The following CMIP variants were observed in gnomAD, a reference collection of about 807,000 sequenced individuals.
The protein encoded by CMIP is C-Maf-inducing protein.
Under a neutral mutation model 97.3 loss-of-function variants are expected in CMIP, and 13 were observed. That is an observed-to-expected ratio of 0.13 (90% CI 0.09 to 0.21). The LOEUF (loss-of-function observed/expected upper bound fraction) is 0.21. CMIP is among the 10% of genes least tolerant of loss of function. The pLI is 1.00. For missense variants in CMIP, 847 were observed against 1,024.9 expected (o/e 0.83, Z 2.37); for synonymous variants, 538 against 436.3 (o/e 1.23, Z -2.91).
At chr16:81,644,260 G>T (rs2092338314) in intron 3 of CMIP, among the ~76,000 whole-genome samples, 1 of 152,210 alleles carries the variant, frequency 6.6e-6, no homozygotes, top group Non-Finnish European at 1.5e-5. Flanking sequence ...CTGGAAATGT[G>T]CACAGATAAT....
chr16:81,693,040 C>T (rs1050374291), intron 11 of CMIP, 118 bp from the exon 12 acceptor site: 8 of 735,584 alleles, frequency 1.1e-5, no homozygotes, highest in African/African-American at 1.1e-4. Flanking sequence ...ACTCACATTC[C>T]TCTTCATTCT....
intron 7 of CMIP, among the ~76,000 whole-genome samples, chr16:81,668,063 G>A (rs1159253783): frequency 6.6e-6 from 1 of 152,138 alleles, no homozygotes; most frequent in Non-Finnish European, 1.5e-5. Flanking sequence ...GTTCCACTCA[G>A]AGCTTTCATG....
At chr16:81,570,738 G>T (rs1209397643) in intron 1 of CMIP, among the ~76,000 whole-genome samples, 1 of 152,192 alleles carries the variant, frequency 6.6e-6, no homozygotes, top group Non-Finnish European at 1.5e-5. Flanking sequence ...CCGGTGCTCT[G>T]TCTCTAGCGA....
intron 10 of CMIP, among the ~76,000 whole-genome samples, chr16:81,682,768 C>T (rs1160813900): frequency 1.3e-5 from 2 of 152,156 alleles, no homozygotes; most frequent in African/African-American, 2.4e-5. Context: ...TCAGTTGCTG[C>T]GTGTTCCCAT....
intron 1 of CMIP, among the ~76,000 whole-genome samples, chr16:81,499,869 C>T (rs1001193649): frequency 6.6e-6 from 1 of 152,258 alleles, no homozygotes; most frequent in African/African-American, 2.4e-5. Flanking sequence ...CTTGTCAGCC[C>T]GGGCGAGACT....
intron 1 of CMIP, among the ~76,000 whole-genome samples, chr16:81,603,707 T>C: frequency 6.6e-6 from 1 of 152,224 alleles, no homozygotes; most frequent in East Asian, 1.9e-4. Flanking sequence ...TCATGTTTAA[T>C]GAGCACTGGT....
At chr16:81,595,271 C>T (rs2091534669) in intron 1 of CMIP, among the ~76,000 whole-genome samples, 1 of 152,146 alleles carries the variant, frequency 6.6e-6, no homozygotes, top group Admixed American at 6.5e-5. Flanking sequence ...ACCATGAACC[C>T]ACTGTCTGTC....
At chr16:81,631,753 C>G (rs1409602702) in intron 3 of CMIP, 6 of 152,326 alleles carry the variant, frequency 3.9e-5, no homozygotes, top group East Asian at 1.9e-4. Context: ...GGGGCTGTTA[C>G]GAATAGACCA....
At chr16:81,506,587 G>A (rs188883525) in intron 1 of CMIP, among the ~76,000 whole-genome samples, 132 of 152,336 alleles carry the variant, frequency 8.7e-4, no homozygotes, top group Middle Eastern at 3.4e-3. Flanking sequence ...AAAGTCTTCC[G>A]AATAGAAAGA....
chr16:81,552,790 G>A (rs2090684921), intron 1 of CMIP, among the ~76,000 whole-genome samples: 3 of 152,180 alleles, frequency 2.0e-5, no homozygotes, highest in African/African-American at 7.2e-5. Flanking sequence ...TCCTTAGTGG[G>A]AGAAGCCAGG....
intron 10 of CMIP, among the ~76,000 whole-genome samples, chr16:81,688,494 C>A (rs1490519512): frequency 6.6e-6 from 1 of 152,166 alleles, no homozygotes; most frequent in African/African-American, 2.4e-5. Context: ...GCCTCCAGTT[C>A]GTCATCTGTT....
intron 1 of CMIP, chr16:81,518,210 C>G (rs1024087746): frequency 1.3e-5 from 2 of 152,176 alleles, no homozygotes; most frequent in Admixed American, 6.5e-5. Context: ...TCACTTTGGT[C>G]GAAAGACAGC....
At chr16:81,708,637 C>A (rs1162129581) in intron 20 of CMIP, among the ~76,000 whole-genome samples, 2 of 152,204 alleles carry the variant, frequency 1.3e-5, no homozygotes, top group Non-Finnish European at 2.9e-5. Flanking sequence ...GGAGGAGGGG[C>A]CTCTGCTCAG....
At chr16:81,635,769 A>G (rs2092226704) in intron 3 of CMIP, among the ~76,000 whole-genome samples, 1 of 152,028 alleles carries the variant, frequency 6.6e-6, no homozygotes, top group East Asian at 1.9e-4. Context: ...TGGCGGGGAC[A>G]GCTCTGCCCA....
chr16:81,664,415 G>C, intron 7 of CMIP, 66 bp downstream of exon 7: 1 of 1,463,966 alleles, frequency 6.8e-7, no homozygotes, highest in Non-Finnish European at 9.3e-7. Context: ...GCGCCTCCCT[G>C]GCCTTTTGCG....
chr16:81,642,265 G>A (rs989765540), intron 3 of CMIP, among the ~76,000 whole-genome samples: 1 of 152,176 alleles, frequency 6.6e-6, no homozygotes, highest in Non-Finnish European at 1.5e-5. Context: ...GCCAGACTGG[G>A]AGTGTGCAGG....
At position 81,678,454 on chromosome 16, in the gene CMIP, A is replaced by G; in HGVS notation, c.1214A>G (p.Glu405Gly). ...GTGGCCTCCAGTGAGATCCACGTGGAGGTGGAACGCACCAGCACTGCCAAG... is the reference window on the plus strand; with the variant it reads ...GTGGCCTCCAGTGAGATCCACGTGGGGGTGGAACGCACCAGCACTGCCAAG... ...VVVASSEIHV[E>G]VERTSTAKPA... is the part of the protein sequence containing the mutation. The change falls in exon 10 of 21, where the codon GAG (glutamate) becomes GGG (glycine). Residue 405 changes from glutamate (E) to glycine (G), a missense_variant. Physicochemically the swap from Glu to Gly is moderately conservative, Grantham distance 98. Transcript: ENST00000537098. The G allele has an allele frequency of 1.9e-6, 3 of 1,591,270 alleles. No individual in the cohort carries two copies. Among genetic ancestry groups the G allele is most frequent in the Non-Finnish European group, 2.6e-6 (3 of 1,169,860 alleles).
Position 81,489,849 on chromosome 16 carries a change from C to T in CMIP, c.300+44308C>T, listed in dbSNP as rs903095349. Among the ~76,000 whole-genome samples, 5 of 152,256 alleles carry T rather than the reference C, an allele frequency of 3.3e-5. No homozygotes were observed. The South Asian group carries it at 8.3e-4, about 25-fold the overall frequency. On this transcript the variant is annotated intron_variant, in intron 1 of 20. Coordinates refer to ENST00000537098, the MANE Select transcript of CMIP (RefSeq NM_198390.3). ...AGGGGAAGGAGAGTCTCGGGAACTT[C>T]CCCAGCTCTCCAGTGCTAGGAATTT...
At chr16:81,606,343 G>A (rs530606727) in intron 1 of CMIP, among the ~76,000 whole-genome samples, 1 of 152,354 alleles carries the variant, frequency 6.6e-6, no homozygotes, top group Admixed American at 6.5e-5. Context: ...TGCCCAGGGT[G>A]CATGGGAGAG....
Sources: allele counts gnomAD v4.1 joint callset (sites outside exome capture counted in the v4.1 genomes callset), GRCh38; gene constraint gnomAD v4.1.1; transcripts MANE v1.5; gene names NCBI Gene and HGNC (gene_info 2026-07-23, HGNC 2026-07-21).